RAB6B: variants seen among roughly 807,000 people sequenced by gnomAD.
RAB6B encodes RAB6B, member RAS oncogene family, also known as ras-related protein Rab-6B.
In RAB6B, 7 loss-of-function variants were observed where a neutral mutation model predicts 31.2. That is an observed-to-expected ratio of 0.22 (90% CI 0.13 to 0.42). The LOEUF (loss-of-function observed/expected upper bound fraction) is 0.42. Among genes scored for constraint, RAB6B ranks in the 10% least tolerant of loss-of-function variants. The pLI, the probability that RAB6B is intolerant of heterozygous loss-of-function variation, is 1.00. For synonymous variants in RAB6B, 105 were observed against 104.9 expected, an observed-to-expected ratio of 1.00 and a Z score of -0.01; for missense variants, 149 against 280.6, an observed-to-expected ratio of 0.53 and a Z score of 3.35.
Position 133,826,475 on chromosome 3 carries a change from C to G in RAB6B, c.*2313G>C, listed in dbSNP as rs1935565306. ...CATTCACTGAGACCCAGTGCAGATT[C>G]CTGTAAATGGGGCGGTCTCAGAGGC... On this transcript the variant is annotated 3_prime_UTR_variant, in exon 8 of 8. Transcript: ENST00000285208. 6.6e-6 allele frequency: 1 copy of G among 152,624 alleles called. No homozygotes were observed. Among genetic ancestry groups the G allele is most frequent in the East Asian group, 1.9e-4 (1 of 5,194 alleles). 9.5% of individuals were successfully genotyped at this position (152,624 alleles called of 1,614,324 possible).
Position 133,825,367 on chromosome 3 carries a change from T to C in RAB6B, c.*3421A>G, listed in dbSNP as rs1463194410. On this transcript the variant is annotated 3_prime_UTR_variant, in exon 8 of 8. Coordinates refer to ENST00000285208, the MANE Select transcript of RAB6B (RefSeq NM_016577.4). The stretch of plus-strand genomic sequence containing the variant: ...GTGTCTGCACTCTTAACTACCACCA[T>C]TTCAATCCTTGTTTCTGTTGCCAGA... The C allele has an allele frequency of 1.3e-5, 2 of 152,254 alleles. No individual in the cohort carries two copies. Among genetic ancestry groups the C allele is most frequent in the African/African-American group, 4.8e-5 (2 of 41,464 alleles). 9.4% of individuals were successfully genotyped at this position (152,254 alleles called of 1,614,324 possible).
At chr3:133,855,469 G>A (rs1277454247) in intron 2 of RAB6B, among the ~76,000 whole-genome samples, 1 of 152,162 alleles carries the variant, frequency 6.6e-6, no homozygotes, top group African/African-American at 2.4e-5. Context: ...CCTGACTGTG[G>A]TCTGAAAACA....
At chr3:133,859,755 G>A (rs1354491820) in intron 2 of RAB6B, among the ~76,000 whole-genome samples, 1 of 152,152 alleles carries the variant, frequency 6.6e-6, no homozygotes, top group Non-Finnish European at 1.5e-5. Context: ...TGCTGTGTGT[G>A]GAGCTCAGCT....
At chr3:133,851,553 G>C (rs896431095) in intron 2 of RAB6B, among the ~76,000 whole-genome samples, 4 of 152,208 alleles carry the variant, frequency 2.6e-5, no homozygotes, top group Non-Finnish European at 4.4e-5. Context: ...TGTGGGCAGA[G>C]AAGAGCAGAG....
rs148624690 is a variant in RAB6B, at chr3:133,826,113, G to C, written c.*2675C>G. The C allele has an allele frequency of 6.6e-4, 100 of 152,386 alleles. No individual in the cohort carries two copies. Among genetic ancestry groups the C allele is most frequent in the African/African-American group, 2.3e-3 (96 of 41,588 alleles). The allele number at this position is 152,386 out of a possible 1,614,324, so 9.4% of individuals were successfully genotyped here. A position where few individuals can be genotyped will look rare whatever the true frequency, so the allele number is the denominator to read the frequency against. ...TGCCTTTCCACACCCCAGGAAGGGA[G>C]GGGCGGAAACCGCACGTGCCGAAGG... On this transcript the variant is annotated 3_prime_UTR_variant, in exon 8 of 8. Transcript: ENST00000285208.
chr3:133,888,062 G>A (rs1936575872), intron 1 of RAB6B, among the ~76,000 whole-genome samples: 1 of 152,156 alleles, frequency 6.6e-6, no homozygotes, highest in South Asian at 2.1e-4. Context: ...CTCCCCACGA[G>A]TCATGCACAG....
intron 2 of RAB6B, among the ~76,000 whole-genome samples, chr3:133,852,531 C>T (rs1936002162): frequency 6.7e-6 from 1 of 150,302 alleles, no homozygotes; most frequent in African/African-American, 2.5e-5. Flanking sequence ...AGTGCAGTGG[C>T]ATGAACACAG....
Position 133,860,144 on chromosome 3 carries a change from A to C in RAB6B, c.129+4440T>G, listed in dbSNP as rs1936138947. ...ACTGGGAGGTACTAGGATTTTGGAG[A>C]GAGTTGAAGGGTATCCATCCCCAAA... is the stretch of plus-strand genomic sequence containing the variant. On this transcript the variant is annotated intron_variant, in intron 2 of 7. Coordinates refer to ENST00000285208, the MANE Select transcript of RAB6B (RefSeq NM_016577.4). 2.6e-5 allele frequency among the ~76,000 whole-genome samples: 4 copies of C among 152,320 alleles called. No homozygotes were observed. In the South Asian group the frequency reaches 8.3e-4, roughly 32 times the overall value.
intron 1 of RAB6B, among the ~76,000 whole-genome samples, chr3:133,892,727 T>A (rs1008893634): frequency 6.6e-6 from 1 of 152,006 alleles, no homozygotes; most frequent in Non-Finnish European, 1.5e-5. Context: ...AAGTCCCCCA[T>A]GCACAGAAGA....
rs1935548832 is a variant in RAB6B, at chr3:133,825,624, A to G, written c.*3164T>C. On this transcript the variant is annotated 3_prime_UTR_variant, in exon 8 of 8. Transcript: ENST00000285208. ...TGTATGTATGATCACCCAGCAAGTT[A>G]GGAGTGATCAGAACCAATGTGTTTC... The G allele has an allele frequency of 6.6e-6, 1 of 152,274 alleles. No individual in the cohort carries two copies. The highest frequency in any genetic ancestry group is 2.4e-5 in the African/African-American group (1 of 41,468). The allele number at this position is 152,274 out of a possible 1,614,324, so 9.4% of individuals were successfully genotyped here.
At chr3:133,882,347 A>G (rs963993206) in intron 1 of RAB6B, among the ~76,000 whole-genome samples, 5 of 152,288 alleles carry the variant, frequency 3.3e-5, no homozygotes, top group Middle Eastern at 3.4e-3. Flanking sequence ...TTGCCACACT[A>G]TATTTGCTAC....
chr3:133,828,762 A>T lies in RAB6B; in HGVS notation c.*26T>A. On this transcript the variant is annotated 3_prime_UTR_variant, in exon 8 of 8. Transcript: ENST00000285208. ...AGCAACACAACAAGCAAGGAGTGTC[A>T]TGGGAAGCCACAGGTCGGCTCTGCA... is the stretch of plus-strand genomic sequence containing the variant. 1 of 1,585,458 alleles carries T rather than the reference A, an allele frequency of 6.3e-7. No individual in the cohort carries two copies. The highest frequency in any genetic ancestry group is 8.7e-7 in the Non-Finnish European group (1 of 1,154,972).
At chr3:133,840,014 G>A (rs1007976168) in intron 4 of RAB6B, among the ~76,000 whole-genome samples, 4 of 152,078 alleles carry the variant, frequency 2.6e-5, no homozygotes, top group Non-Finnish European at 5.9e-5. Flanking sequence ...ACATGCGCGC[G>A]CGACTTGGCA....
intron 1 of RAB6B, among the ~76,000 whole-genome samples, chr3:133,876,230 T>G (rs1279562274): frequency 6.6e-6 from 1 of 152,190 alleles, no homozygotes; most frequent in Non-Finnish European, 1.5e-5. Flanking sequence ...AGACTGAGAA[T>G]TCCCTCTGTA....
At chr3:133,864,551 G>T (rs777948529) in intron 2 of RAB6B, 33 bp downstream of exon 2, 1 of 1,603,826 alleles carries the variant, frequency 6.2e-7, no homozygotes, top group Non-Finnish European at 8.5e-7. Flanking sequence ...GCCACTGCCA[G>T]ATGATATGGA....
chr3:133,872,915 A>G (rs1338617412), intron 1 of RAB6B, among the ~76,000 whole-genome samples: 2 of 152,044 alleles, frequency 1.3e-5, no homozygotes, highest in Non-Finnish European at 2.9e-5. Context: ...GGGAGGGAGG[A>G]GTCAAAAGAA....
At chr3:133,887,714 G>T (rs922212991) in intron 1 of RAB6B, among the ~76,000 whole-genome samples, 1 of 152,186 alleles carries the variant, frequency 6.6e-6, no homozygotes, top group Non-Finnish European at 1.5e-5. Flanking sequence ...TAGAATCAGG[G>T]TCTTCAGGGC....
chr3:133,879,504 T>C (rs918832976), intron 1 of RAB6B, among the ~76,000 whole-genome samples: 2 of 152,344 alleles, frequency 1.3e-5, no homozygotes, highest in Admixed American at 6.5e-5. Flanking sequence ...AGGGTCCATG[T>C]GTAACCACCA....
intron 2 of RAB6B, among the ~76,000 whole-genome samples, chr3:133,864,010 G>A (rs572353462): frequency 3.9e-5 from 6 of 152,022 alleles, no homozygotes; most frequent in Non-Finnish European, 7.4e-5. Flanking sequence ...CCCAGACTAC[G>A]CCTCCAGGGC....
Sources: gnomAD v4.1 joint callset for allele counts (sites outside exome capture counted in the v4.1 genomes callset) on GRCh38, gnomAD v4.1.1 for gene constraint, MANE v1.5 for transcripts, NCBI Gene and HGNC (gene_info 2026-07-23, HGNC 2026-07-21) for gene names.